The following CLSTN3 variants were observed in gnomAD, a reference collection of about 807,000 sequenced individuals.
CLSTN3 encodes calsyntenin 3.
A neutral mutation model predicts 95.9 loss-of-function variants in CLSTN3; 36 were observed. The ratio of observed to expected loss-of-function variants is 0.38; its 90% CI spans 0.29 to 0.50. The LOEUF is 0.50. Ranked by LOEUF, CLSTN3 falls within the 20% of genes least tolerant of loss-of-function variation. CLSTN3 has a pLI of 0.95. For missense variants in CLSTN3, 1,084 were observed against 1,268.8 expected (o/e 0.85, Z 2.21); for synonymous variants, 481 against 504.0 (o/e 0.95, Z 0.61).
At chr12:7,130,991 C>T in intron 1 of CLSTN3, 1 of 544,804 alleles carries the variant, frequency 1.8e-6, no homozygotes, top group Non-Finnish European at 3.3e-6. Flanking sequence ...TCTCTATTCT[C>T]CCCTTCCCCT....
intron 1 of CLSTN3, 84 bp downstream of exon 1, chr12:7,130,796 C>A (rs749216133): frequency 1.3e-4 from 157 of 1,244,130 alleles, no homozygotes; most frequent in Non-Finnish European, 1.6e-4. Context: ...GGTGTCGAGG[C>A]TCCCTGGCAC....
At chr12:7,155,876 C>T (rs1476300084) in intron 16 of CLSTN3, 3 of 217,796 alleles carry the variant, frequency 1.4e-5, no homozygotes, top group Admixed American at 5.4e-5. Flanking sequence ...GCATTCTCCA[C>T]ACACCTAGTT....
intron 16 of CLSTN3, chr12:7,156,377 A>C: frequency 2.2e-6 from 1 of 456,678 alleles, no homozygotes; most frequent in Non-Finnish European, 4.4e-6. Flanking sequence ...GGCTGTGCTC[A>C]TGGCGGCTCG....
Position 7,158,077 on chromosome 12 carries a change from A to G in CLSTN3, c.2867A>G (p.Tyr956Cys). ...RRIIETPPHRY is the reference protein window; with the variant it reads ...RRIIETPPHRC ...ATCATCGAGACCCCCCCACACCGCT[A>G]CTAAGGCCTACACCTCTCCCCACGC... is the stretch of plus-strand genomic sequence containing the variant. Residue 956 changes from tyrosine (Y) to cysteine (C), a missense_variant, in exon 18 of 18, where the codon TAC (tyrosine) becomes TGC (cysteine). By Grantham distance (194) the Tyr-to-Cys change is radical. Coordinates refer to ENST00000266546, the MANE Select transcript of CLSTN3 (RefSeq NM_014718.4). The G allele has an allele frequency of 2.0e-6, 3 of 1,525,916 alleles. No homozygotes were observed. The highest frequency in any genetic ancestry group is 1.4e-5 in the African/African-American group (1 of 72,772). The allele number at this position is 1,525,916 out of a possible 1,614,324, so 94.5% of individuals were successfully genotyped here.
intron 1 of CLSTN3, 94 bp downstream of exon 1, chr12:7,130,806 C>G: frequency 8.8e-7 from 1 of 1,135,576 alleles, no homozygotes; most frequent in Non-Finnish European, 1.3e-6. Flanking sequence ...CTCCCTGGCA[C>G]CTGACAGGTG....
Position 7,137,355 on chromosome 12 carries a change from C to T in CLSTN3, c.1210+245C>T. Reference sequence around the variant, plus strand: ...TTGTTTTCAGTTGCCCAGTCAACTTCTCTGTGTCCCACCATGTGGTAGGCT... The same window carrying T: ...TTGTTTTCAGTTGCCCAGTCAACTTTTCTGTGTCCCACCATGTGGTAGGCT... On this transcript the variant is annotated intron_variant, in intron 7 of 17. Transcript: ENST00000266546. This position sits in a 1 kb window ranked among gnomAD's most constrained non-coding sequence, Gnocchi z 4.4. The T allele has an allele frequency of 7.8e-6, 4 of 515,094 alleles. No homozygotes were observed. The South Asian group carries it at 9.1e-5, about 12-fold the overall frequency. 31.9% of individuals were successfully genotyped at this position (515,094 alleles called of 1,614,324 possible).
At chr12:7,156,083 TTGCTTGTGTGAC>T in intron 16 of CLSTN3, 1 of 359,000 alleles carries the variant, frequency 2.8e-6, no homozygotes, top group East Asian at 7.4e-5. Context: ...TTCTAGGGGC[TTGCTTGTGTGAC>T]TGCTGGTCTC....
intron 8 of CLSTN3, among the ~76,000 whole-genome samples, chr12:7,138,312 C>T (rs780251590): frequency 1.3e-5 from 2 of 152,158 alleles, no homozygotes; most frequent in Admixed American, 6.5e-5. Flanking sequence ...ACACCAAAGT[C>T]GACCAACCAT....
chr12:7,133,903 A>G lies in CLSTN3; in HGVS notation c.383+135A>G. ...CTGTTCCTAGGACTTAGGGAGCCCC[A>G]TCCCCTGCTGTTCCTAGGATTTAGG... On this transcript the variant is annotated intron_variant, in intron 3 of 17. Transcript: ENST00000266546. This position sits in a 1 kb window ranked among gnomAD's most constrained non-coding sequence, Gnocchi z 4.7. 2 of 696,536 alleles carry G rather than the reference A, an allele frequency of 2.9e-6. No individual in the cohort carries two copies. Among genetic ancestry groups the G allele is most frequent in the East Asian group, 5.8e-5 (2 of 34,690 alleles). 43.1% of individuals were successfully genotyped at this position (696,536 alleles called of 1,614,324 possible).
chr12:7,139,376 G>T (rs918340383), intron 8 of CLSTN3, among the ~76,000 whole-genome samples: 8 of 152,058 alleles, frequency 5.3e-5, no homozygotes, highest in African/African-American at 1.9e-4. Flanking sequence ...AGTGTGGGAA[G>T]GTTCCAGGAA....
intron 12 of CLSTN3, among the ~76,000 whole-genome samples, chr12:7,146,813 C>T (rs982437628): frequency 6.6e-6 from 1 of 152,188 alleles, no homozygotes; most frequent in Non-Finnish European, 1.5e-5. Context: ...CACAGCATTG[C>T]TCATTGCAGG....
chr12:7,158,814 TTGTG>T lies in CLSTN3; in HGVS notation c.*737_*740del, dbSNP rs1939867724. The T allele has an allele frequency of 1.7e-5, 1 of 59,694 alleles. No individual in the cohort carries two copies. The highest frequency in any genetic ancestry group is 5.3e-5 in the Non-Finnish European group (1 of 18,806). 3.7% of individuals were successfully genotyped at this position (59,694 alleles called of 1,614,324 possible). On this transcript the variant is annotated 3_prime_UTR_variant, in exon 18 of 18. Coordinates refer to ENST00000266546, the MANE Select transcript of CLSTN3 (RefSeq NM_014718.4). Reference sequence around the variant, plus strand: ...ATGTTCCTGCGTGCAGCTCACGGCCTTGTGTGTATGTGTGTGTGTGTGTGTGTGT... The same window carrying T: ...ATGTTCCTGCGTGCAGCTCACGGCCTTGTATGTGTGTGTGTGTGTGTGTGT...
intron 16 of CLSTN3, among the ~76,000 whole-genome samples, chr12:7,155,162 G>A (rs968033434): frequency 1.3e-5 from 2 of 152,176 alleles, no homozygotes; most frequent in Non-Finnish European, 2.9e-5. Flanking sequence ...GGCTCTGGAG[G>A]TCATTCAAGG....
Position 7,150,574 on chromosome 12 carries a change from T to C in CLSTN3, c.2276T>C (p.Ile759Thr), listed in dbSNP as rs746545091. 1.2e-5 allele frequency: 20 copies of C among 1,613,970 alleles called. No homozygotes were observed. The highest frequency in any genetic ancestry group is 1.7e-6 in the Non-Finnish European group (2 of 1,179,934). Residue 759 changes from isoleucine (I) to threonine (T), a missense_variant, in exon 15 of 18, where the codon ATC becomes ACC. Coordinates refer to ENST00000266546, the MANE Select transcript of CLSTN3 (RefSeq NM_014718.4). This position sits in a 1 kb window ranked among gnomAD's most constrained non-coding sequence, Gnocchi z 4.0. ...GAGAGCATCACTGTGTATGAAGAGATCCTGAGGCAGGCTCGTTATCGGCTG... is the reference window on the plus strand; with the variant it reads ...GAGAGCATCACTGTGTATGAAGAGACCCTGAGGCAGGCTCGTTATCGGCTG... The part of the protein sequence containing the change: ...GVESITVYEE[I>T]LRQARYRLRH...
intron 12 of CLSTN3, 75 bp downstream of exon 12, chr12:7,143,386 A>C (rs1266750753): frequency 6.6e-6 from 10 of 1,509,732 alleles, no homozygotes; most frequent in African/African-American, 1.4e-5. Flanking sequence ...CTAAGGCGTC[A>C]CCTAGAGCTA....
At position 7,137,303 on chromosome 12, in the gene CLSTN3, G is replaced by A; in HGVS notation, c.1210+193G>A. 1.6e-6 allele frequency: 1 copy of A among 606,332 alleles called. No homozygotes were observed. The highest frequency in any genetic ancestry group is 2.9e-6 in the Non-Finnish European group (1 of 348,542). 37.6% of individuals were successfully genotyped at this position (606,332 alleles called of 1,614,324 possible). A position where few individuals can be genotyped will look rare whatever the true frequency, so the allele number is the denominator to read the frequency against. ...CATGTTGGATCGTACTGCTGTCAGA[G>A]TGCAATGGGATTCCTTGCTGCTACT... On this transcript the variant is annotated intron_variant, in intron 7 of 17. Coordinates refer to ENST00000266546, the MANE Select transcript of CLSTN3 (RefSeq NM_014718.4). This position sits in a 1 kb window ranked among gnomAD's most constrained non-coding sequence, Gnocchi z 4.4.
At position 7,141,964 on chromosome 12, in the gene CLSTN3, A is replaced by G. The variant is rs374403658; in HGVS notation, c.1487-122A>G. On this transcript the variant is annotated intron_variant, in intron 9 of 17. Coordinates refer to ENST00000266546, the MANE Select transcript of CLSTN3 (RefSeq NM_014718.4). This position sits in a 1 kb window ranked among gnomAD's most constrained non-coding sequence, Gnocchi z 4.1. ...TTGCAAGTTATACATGGGCAGGGTC[A>G]GAATCCCATGTGGGCATGAGAGCAC... 21 of 735,142 alleles carry G rather than the reference A, an allele frequency of 2.9e-5. No homozygotes were observed. In the African/African-American group the frequency reaches 3.6e-4, roughly 12 times the overall value. 45.5% of individuals were successfully genotyped at this position (735,142 alleles called of 1,614,324 possible).
chr12:7,132,807 C>T, intron 1 of CLSTN3: 1 of 630,314 alleles, frequency 1.6e-6, no homozygotes. Flanking sequence ...AACTGTCTAC[C>T]CTGCTATAGG....
rs71067156 is a variant in CLSTN3, at chr12:7,137,795, T to TGAGAGA, written c.1211-138_1211-133dup. Reference sequence around the variant, plus strand: ...GTGTGTGTGTGTGTGTGTGTGTGTGTGAGAGAGAGAGAGAGAGAGAGAGAG... The same window carrying TGAGAGA: ...GTGTGTGTGTGTGTGTGTGTGTGTGTGAGAGAGAGAGAGAGAGAGAGAGAGAGAGAG... On this transcript the variant is annotated intron_variant, in intron 7 of 17. Transcript: ENST00000266546. The surrounding 1 kb of genome is among the most constrained non-coding windows in gnomAD (Gnocchi z 4.4). 1.8e-3 allele frequency among the ~76,000 whole-genome samples: 129 copies of TGAGAGA among 70,660 alleles called. 2 individuals are homozygous for TGAGAGA. The highest frequency in any genetic ancestry group is 9.1e-3 in the East Asian group (17 of 1,878). The allele number at this position is 70,660 out of a possible 152,430, so 46.4% of individuals were successfully genotyped here. A position where few individuals can be genotyped will look rare whatever the true frequency, so the allele number is the denominator to read the frequency against.
Sources: allele counts gnomAD v4.1 joint callset (sites outside exome capture counted in the v4.1 genomes callset), GRCh38; gene constraint gnomAD v4.1.1; non-coding constraint Gnocchi (gnomAD v3.1); transcripts MANE v1.5; gene names NCBI Gene and HGNC (gene_info 2026-07-23, HGNC 2026-07-21).